PPP1CC: variants seen among roughly 807,000 people sequenced by gnomAD.
PPP1CC encodes serine/threonine-protein phosphatase PP1-gamma catalytic subunit.
Under a neutral mutation model 38.4 loss-of-function variants are expected in PPP1CC, and 16 were observed. That is an observed-to-expected ratio of 0.42 (90% CI 0.28 to 0.63). The LOEUF (loss-of-function observed/expected upper bound fraction) is 0.63, where lower values mean the gene tolerates loss of function less well. Ranked by LOEUF, PPP1CC falls within the 30% of genes least tolerant of loss-of-function variation. PPP1CC has a pLI of 0.25. For missense variants in PPP1CC, 170 were observed against 391.3 expected (o/e 0.43, Z 4.77); for synonymous variants, 158 against 136.0 (o/e 1.16, Z -1.13).
intron 1 of PPP1CC, chr12:110,732,167 G>C: frequency 3.8e-6 from 2 of 531,840 alleles, no homozygotes; most frequent in East Asian, 3.0e-5. Context: ...GTTAGAAACA[G>C]GACTGCAGGC....
chr12:110,718,307 A>G (rs1426869140), downstream of PPP1CC, among the ~76,000 whole-genome samples: 1 of 152,190 alleles, frequency 6.6e-6, no homozygotes, highest in Non-Finnish European at 1.5e-5. Context: ...GATGCCTAGC[A>G]CCTGCCTTTC....
At position 110,720,431 on chromosome 12, in the gene PPP1CC, A is replaced by G. The variant is rs552106578; in HGVS notation, c.*645T>C. ...GAAACTTTGGCTTTAGGAAAGAGTC[A>G]CAAATATTTAAAAGAATGGCTTTGT... On this transcript the variant is annotated 3_prime_UTR_variant, in exon 7 of 7. Transcript: ENST00000335007. 1 of 478,532 alleles carries G rather than the reference A, an allele frequency of 2.1e-6. No individual in the cohort carries two copies. The highest frequency in any genetic ancestry group is 3.7e-5 in the Admixed American group (1 of 26,712). The allele number at this position is 478,532 out of a possible 1,614,324, so 29.6% of individuals were successfully genotyped here. A position where few individuals can be genotyped will look rare whatever the true frequency, so the allele number is the denominator to read the frequency against.
chr12:110,724,073 C>T (rs1423357898), intron 4 of PPP1CC, among the ~76,000 whole-genome samples: 4 of 151,824 alleles, frequency 2.6e-5, no homozygotes, highest in Admixed American at 6.6e-5. Flanking sequence ...CCCGTCTCTA[C>T]TAAAAATACA....
At chr12:110,724,376 C>T (rs1283707143) in intron 4 of PPP1CC, among the ~76,000 whole-genome samples, 1 of 152,160 alleles carries the variant, frequency 6.6e-6, no homozygotes, top group Non-Finnish European at 1.5e-5. Context: ...GACTGGGCAA[C>T]GTGGTGAGAA....
At chr12:110,732,259 A>C (rs984849884) in intron 1 of PPP1CC, 2 of 333,384 alleles carry the variant, frequency 6.0e-6, no homozygotes, top group Non-Finnish European at 1.1e-5. Context: ...AGAGATCCAG[A>C]CCATCCTCGC....
rs112105833 is a variant in PPP1CC at position 110,731,751 on chromosome 12, C to T, written c.187+19G>A. Reference sequence around the variant, plus strand: ...AATCAATCATGTAACAAAAGATAACCTGTGTGCCCCAAACTTACCACATAT... The same window carrying T: ...AATCAATCATGTAACAAAAGATAACTTGTGTGCCCCAAACTTACCACATAT... On this transcript the variant is annotated intron_variant, in intron 2 of 6. Coordinates refer to ENST00000335007, the MANE Select transcript of PPP1CC (RefSeq NM_002710.4). 3.8e-4 allele frequency: 604 copies of T among 1,595,890 alleles called. 3 individuals carry two copies. In the African/African-American group the frequency reaches 6.2e-3, roughly 16 times the overall value.
chr12:110,741,454 G>T (rs2070016273), intron 1 of PPP1CC, among the ~76,000 whole-genome samples: 1 of 152,146 alleles, frequency 6.6e-6, no homozygotes, highest in Non-Finnish European at 1.5e-5. Context: ...GGATATGACT[G>T]AATTCTTACA....
the PPP1CC span, among the ~76,000 whole-genome samples, chr12:110,711,037 A>C: frequency 0.029 from 4,343 of 150,830 alleles, 211 homozygotes; most frequent in African/African-American, 0.099. Flanking sequence ...TTAGCCAGGC[A>C]TGGTGGCATG....
At position 110,742,712 on chromosome 12, in the gene PPP1CC, T is replaced by C. The variant is rs752042430; in HGVS notation, c.-5A>G. On this transcript the variant is annotated 5_prime_UTR_variant, in exon 1 of 7. Coordinates refer to ENST00000335007, the MANE Select transcript of PPP1CC (RefSeq NM_002710.4). ...GAGTTTATCTAAATCCGCCATCGCCTTCCCACCGCCGACCCTCCCGCAGCG... is the reference window on the plus strand; with the variant it reads ...GAGTTTATCTAAATCCGCCATCGCCCTCCCACCGCCGACCCTCCCGCAGCG... 1 of 1,438,732 alleles carries C rather than the reference T, an allele frequency of 7.0e-7. No individual in the cohort carries two copies. The highest frequency in any genetic ancestry group is 1.5e-5 in the South Asian group (1 of 65,420). 89.1% of individuals were successfully genotyped at this position (1,438,732 alleles called of 1,614,324 possible). A position where few individuals can be genotyped will look rare whatever the true frequency, so the allele number is the denominator to read the frequency against.
At chr12:110,736,373 G>A (rs919584334) in intron 1 of PPP1CC, among the ~76,000 whole-genome samples, 7 of 152,204 alleles carry the variant, frequency 4.6e-5, no homozygotes, top group Non-Finnish European at 8.8e-5. Flanking sequence ...GCCAGATGTG[G>A]TGGCTTGGGC....
Position 110,742,648 on chromosome 12 carries a change from CT to C in PPP1CC, c.55+4del. 3.4e-6 allele frequency: 5 copies of C among 1,482,806 alleles called. No individual in the cohort carries two copies. The highest frequency in any genetic ancestry group is 4.5e-6 in the Non-Finnish European group (5 of 1,111,640). 91.9% of individuals were successfully genotyped at this position (1,482,806 alleles called of 1,614,324 possible). On this transcript the variant is annotated splice_donor_region_variant and intron_variant, in intron 1 of 6. Coordinates refer to ENST00000335007, the MANE Select transcript of PPP1CC (RefSeq NM_002710.4). ...CCCCCTTCAGCCGCCCGCCGCCCCC[CT>C]TACCTTCCAGCAGCCGTTGGATAAT...
Position 110,720,291 on chromosome 12 carries a change from A to G in PPP1CC, c.*785T>C, listed in dbSNP as rs1014690780. 51 of 1,127,732 alleles carry G rather than the reference A, an allele frequency of 4.5e-5. No individual in the cohort carries two copies. Among genetic ancestry groups the G allele is most frequent in the East Asian group, 1.5e-4 (6 of 38,906 alleles). The allele number at this position is 1,127,732 out of a possible 1,614,324, so 69.9% of individuals were successfully genotyped here. A position where few individuals can be genotyped will look rare whatever the true frequency, so the allele number is the denominator to read the frequency against. On this transcript the variant is annotated 3_prime_UTR_variant, in exon 7 of 7. Transcript: ENST00000335007. Reference sequence around the variant, plus strand: ...TATCGTTAGTAGCTTAAACAGCACTATATCACTAATTGCTATTCAAAATCA... The same window carrying G: ...TATCGTTAGTAGCTTAAACAGCACTGTATCACTAATTGCTATTCAAAATCA...
intron 1 of PPP1CC, chr12:110,734,791 CAG>C (rs2069922558): frequency 6.5e-6 from 1 of 153,320 alleles, no homozygotes; most frequent in Non-Finnish European, 1.5e-5. Flanking sequence ...AATTGTCTAA[CAG>C]AGATTTCAAA....
At chr12:110,737,463 G>A (rs1423649849) in intron 1 of PPP1CC, among the ~76,000 whole-genome samples, 18 of 47,786 alleles carry the variant, frequency 3.8e-4, no homozygotes, top group African/African-American at 1.8e-3. Context: ...CAGCCTGGGT[G>A]ACAAAGAAAG....
At chr12:110,733,729 T>C (rs1320844355) in intron 1 of PPP1CC, among the ~76,000 whole-genome samples, 1 of 152,152 alleles carries the variant, frequency 6.6e-6, no homozygotes, top group East Asian at 1.9e-4. Flanking sequence ...ATCCTCTTGC[T>C]CTGGCCCCCC....
intron 1 of PPP1CC, chr12:110,734,964 T>C (rs1422984385): frequency 2.5e-5 from 3 of 119,750 alleles, no homozygotes; most frequent in Non-Finnish European, 5.0e-5. Flanking sequence ...CACTCCAGCC[T>C]GGGCGACAGA....
Position 110,722,224 on chromosome 12 carries a change from T to C in PPP1CC, c.793A>G (p.Thr265Ala), listed in dbSNP as rs750020083. The stretch of plus-strand genomic sequence containing the variant: ...CAATAATTGGGCGCAGAAAACAGAG[T>C]GACCAACTGCCTCTTTGCAAAAAAT... ...YEFFAKRQLV[T>A]LFSAPNYCGE... The change falls in exon 6 of 7, where the codon ACT becomes GCT. Residue 265 changes from threonine to alanine, a missense_variant. Around this residue, in one of 3 missense-constraint regions of PPP1CC, gnomAD observed 117 missense variants for 344.4 expected, o/e 0.34. Coordinates refer to ENST00000335007, the MANE Select transcript of PPP1CC (RefSeq NM_002710.4). The surrounding 1 kb of genome is among the most constrained non-coding windows in gnomAD (Gnocchi z 5.4). The C allele has an allele frequency of 6.2e-7, 1 of 1,614,082 alleles. No homozygotes were observed. Among genetic ancestry groups the C allele is most frequent in the Non-Finnish European group, 8.5e-7 (1 of 1,179,998 alleles).
chr12:110,724,666 G>T lies in PPP1CC; in HGVS notation c.517C>A (p.His173Asn). The change falls in exon 4 of 7, where the codon CAT (histidine) becomes AAT (asparagine). Residue 173 changes from histidine (H) to asparagine (N), a missense_variant. His to Asn is a moderately conservative substitution (Grantham distance 68, BLOSUM62 1). This residue lies in a region of PPP1CC where 117 missense variants were observed against 344.4 expected (regional missense o/e 0.34). Coordinates refer to ENST00000335007, the MANE Select transcript of PPP1CC (RefSeq NM_002710.4). ...CAAAAATCAGCCCACCTACCTCCAT[G>T]ACAGCAGAATATCTTCTCATCCACG... ...AIVDEKIFCC[H>N]GGLSPDLQSM... 1.2e-6 allele frequency: 2 copies of T among 1,608,518 alleles called. No individual in the cohort carries two copies. The highest frequency in any genetic ancestry group is 2.2e-5 in the South Asian group (2 of 90,856).
At chr12:110,716,150 C>T (rs906036113), downstream of PPP1CC, among the ~76,000 whole-genome samples, 4 of 152,144 alleles carry the variant, frequency 2.6e-5, no homozygotes, top group Admixed American at 1.3e-4. Flanking sequence ...CTTTACACAA[C>T]CCCTCAATCT....
Sources: allele counts gnomAD v4.1 joint callset (sites outside exome capture counted in the v4.1 genomes callset), GRCh38; gene constraint gnomAD v4.1.1; regional missense constraint gnomAD v4.1.1; non-coding constraint Gnocchi (gnomAD v3.1); transcripts MANE v1.5; gene names NCBI Gene and HGNC (gene_info 2026-07-23, HGNC 2026-07-21).